BICDL1: variants seen among roughly 807,000 people sequenced by gnomAD.
BICDL1 encodes the protein BICD family like cargo adaptor 1.
Under a neutral mutation model 76.8 loss-of-function variants are expected in BICDL1, and 20 were observed. That is an observed-to-expected ratio of 0.26 (90% CI 0.18 to 0.38). The LOEUF (loss-of-function observed/expected upper bound fraction) is 0.38. BICDL1 is among the 10% of genes least tolerant of loss of function. The pLI is 1.00. For synonymous variants in BICDL1, 383 were observed against 337.1 expected (o/e 1.14, Z -1.49); for missense variants, 700 against 798.6 (o/e 0.88, Z 1.49).
chr12:119,998,836 A>G (rs1410374232), intron 2 of BICDL1, 100 bp downstream of exon 2: 8 of 1,156,296 alleles, frequency 6.9e-6, no homozygotes, highest in Admixed American at 2.3e-5. Context: ...CGGGAGGCCA[A>G]GGTGGGAGAA....
intron 2 of BICDL1, among the ~76,000 whole-genome samples, chr12:120,057,762 A>G (rs1953006872): frequency 1.3e-5 from 2 of 149,526 alleles, no homozygotes; most frequent in South Asian, 4.2e-4. Context: ...CCAGTGCAGT[A>G]CACACCCTTG....
At chr12:120,021,918 T>C (rs1349495465) in intron 2 of BICDL1, among the ~76,000 whole-genome samples, 1 of 134,412 alleles carries the variant, frequency 7.4e-6, no homozygotes, top group East Asian at 2.1e-4. Flanking sequence ...TAAAATAAAA[T>C]AAAATAAAAT....
chr12:120,054,494 T>G (rs1249844759), intron 2 of BICDL1, among the ~76,000 whole-genome samples: 1 of 152,172 alleles, frequency 6.6e-6, no homozygotes. Flanking sequence ...CAATGCATTA[T>G]AATTGCAAAA....
In BICDL1 at chr12:119,990,159, C is replaced by G. The variant is rs540732478; in HGVS notation, c.291C>G (p.Pro97=). The G allele has an allele frequency of 6.0e-5, 93 of 1,551,794 alleles. No homozygotes were observed. The South Asian group carries it at 8.4e-4, about 14-fold the overall frequency. ...CGCAGCCGCCGCCCTCCCAGGACCCCGAGCTGCTGTCGGTGATCCGACAGA... is the reference window on the plus strand; with the variant it reads ...CGCAGCCGCCGCCCTCCCAGGACCCGGAGCTGCTGTCGGTGATCCGACAGA... ...AGPQPPPSQD[P]ELLSVIRQKE... The change falls in exon 1 of 10, where the codon CCC becomes CCG. Residue 97 remains proline, a synonymous_variant. Transcript: ENST00000548673.
At chr12:120,061,951 G>A in intron 3 of BICDL1, 125 bp downstream of exon 3, 2 of 657,664 alleles carry the variant, frequency 3.0e-6, no homozygotes, top group East Asian at 2.7e-5. Flanking sequence ...AACTAAATGG[G>A]AAACATTTGA....
chr12:120,001,809 G>A (rs947479344), intron 2 of BICDL1, among the ~76,000 whole-genome samples: 1 of 152,142 alleles, frequency 6.6e-6, no homozygotes, highest in Non-Finnish European at 1.5e-5. Context: ...CAGCACTTTA[G>A]GAGGTTGAGG....
rs374642849 is a variant in BICDL1, at chr12:120,085,749, GT to G, written c.1584-4201del. Among the ~76,000 whole-genome samples the G allele has an allele frequency of 2.5e-4, 35 of 140,804 alleles. 1 individual carries two copies. The South Asian group carries it at 7.6e-3, about 31-fold the overall frequency. The allele number at this position is 140,804 out of a possible 152,430, so 92.4% of individuals were successfully genotyped here. On this transcript the variant is annotated intron_variant, in intron 8 of 9. Transcript: ENST00000548673. ...CAGAAGGTTGAGGCTGCAGTGAGCT[GT>G]GATCATGCCACTGCACTCCAGCCTG...
chr12:120,070,196 T>A (rs1164518267), intron 4 of BICDL1, among the ~76,000 whole-genome samples: 1 of 152,250 alleles, frequency 6.6e-6, no homozygotes, highest in African/African-American at 2.4e-5. Flanking sequence ...TATTAGAAAC[T>A]GCCTATTTTC....
chr12:120,009,487 C>G (rs916310416), intron 2 of BICDL1, among the ~76,000 whole-genome samples: 1 of 151,874 alleles, frequency 6.6e-6, no homozygotes, highest in African/African-American at 2.4e-5. Flanking sequence ...CTTTTTCATG[C>G]TTCTAGATTT....
intron 8 of BICDL1, among the ~76,000 whole-genome samples, chr12:120,084,691 G>A (rs1032437751): frequency 6.6e-6 from 1 of 151,934 alleles, no homozygotes; most frequent in African/African-American, 2.4e-5. Flanking sequence ...GAGTTTTGAG[G>A]CCAGCCTGGC....
At chr12:120,045,559 C>T (rs1400718191) in intron 2 of BICDL1, among the ~76,000 whole-genome samples, 2 of 151,928 alleles carry the variant, frequency 1.3e-5, no homozygotes, top group African/African-American at 4.8e-5. Context: ...GAAAATGTGG[C>T]ACATATACAC....
At chr12:120,089,044 T>C (rs904492761) in intron 8 of BICDL1, among the ~76,000 whole-genome samples, 1 of 152,012 alleles carries the variant, frequency 6.6e-6, no homozygotes, top group African/African-American at 2.4e-5. Flanking sequence ...TAAGCTATAG[T>C]GATCACCACT....
chr12:119,995,850 G>C (rs1441706804), intron 1 of BICDL1, among the ~76,000 whole-genome samples: 1 of 151,298 alleles, frequency 6.6e-6, no homozygotes, highest in Non-Finnish European at 1.5e-5. Flanking sequence ...GCTGGGCGTG[G>C]TGGTGGGCGC....
At chr12:120,091,262 A>G in intron 9 of BICDL1, 1 of 1,122,458 alleles carries the variant, frequency 8.9e-7, no homozygotes, top group Non-Finnish European at 1.1e-6. Flanking sequence ...TGTTCCATCC[A>G]CTGAGGGACC....
At chr12:120,016,818 C>G (rs1332184699) in intron 2 of BICDL1, among the ~76,000 whole-genome samples, 3 of 149,362 alleles carry the variant, frequency 2.0e-5, no homozygotes, top group Non-Finnish European at 4.4e-5. Flanking sequence ...AGTTTCTCCA[C>G]AAGAGGACTC....
intron 2 of BICDL1, among the ~76,000 whole-genome samples, chr12:120,059,846 G>C (rs1178020993): frequency 6.6e-6 from 1 of 151,962 alleles, no homozygotes; most frequent in Middle Eastern, 3.4e-3. Context: ...CCAAGTAGCT[G>C]GGACTGCAGG....
At chr12:120,089,240 C>T (rs968963448) in intron 8 of BICDL1, among the ~76,000 whole-genome samples, 2 of 152,066 alleles carry the variant, frequency 1.3e-5, no homozygotes, top group African/African-American at 4.8e-5. Context: ...CTCTGGGTTC[C>T]AGTCCTTATT....
intron 1 of BICDL1, chr12:119,992,880 A>T (rs1951554106): frequency 6.6e-6 from 1 of 152,168 alleles, no homozygotes; most frequent in Non-Finnish European, 1.5e-5. Flanking sequence ...TGCCACTTTC[A>T]CTATTGAATA....
At chr12:120,082,456 G>A (rs753429651) in intron 8 of BICDL1, among the ~76,000 whole-genome samples, 1 of 152,030 alleles carries the variant, frequency 6.6e-6, no homozygotes, top group Non-Finnish European at 1.5e-5. Flanking sequence ...GTTTTGCCAT[G>A]TTGCTAGGGC....
Sources: gnomAD v4.1 joint callset for allele counts (sites outside exome capture counted in the v4.1 genomes callset) on GRCh38, gnomAD v4.1.1 for gene constraint, MANE v1.5 for transcripts, NCBI Gene and HGNC (gene_info 2026-07-23, HGNC 2026-07-21) for gene names.